Variants in ARHGAP26 observed in about 807,000 individuals in gnomAD.
ARHGAP26 encodes the protein Rho GTPase activating protein 26, also known as rho GTPase-activating protein 26.
A neutral mutation model predicts 104.8 loss-of-function variants in ARHGAP26; 38 were observed. The observed-to-expected ratio is 0.36, with a 90% CI of 0.28 to 0.48. The LOEUF is 0.48. Among genes scored for constraint, ARHGAP26 ranks in the 20% least tolerant of loss-of-function variants. The pLI, the probability that ARHGAP26 is intolerant of heterozygous loss-of-function variation, is 0.99. For synonymous variants in ARHGAP26, 341 were observed against 340.0 expected (o/e 1.00, Z -0.03); for missense variants, 704 against 947.9 (o/e 0.74, Z 3.38).
intron 1 of ARHGAP26, among the ~76,000 whole-genome samples, chr5:142,846,445 T>G (rs763926007): frequency 2.0e-5 from 3 of 152,136 alleles, no homozygotes; most frequent in Non-Finnish European, 2.9e-5. Flanking sequence ...GAATTTCAGG[T>G]CTTTTTGAGG....
intron 10 of ARHGAP26, among the ~76,000 whole-genome samples, chr5:142,925,993 A>G (rs888828301): frequency 6.6e-6 from 1 of 152,188 alleles, no homozygotes; most frequent in African/African-American, 2.4e-5. Context: ...TAAATTGCCA[A>G]ACCACTGAGA....
chr5:143,152,113 T>C (rs1327111875), intron 20 of ARHGAP26, among the ~76,000 whole-genome samples: 2 of 152,140 alleles, frequency 1.3e-5, no homozygotes, highest in Admixed American at 1.3e-4. Context: ...ACAGGGTATT[T>C]TTTTCGCGGT....
chr5:143,071,127 A>G (rs1417768869), intron 17 of ARHGAP26, among the ~76,000 whole-genome samples: 1 of 152,176 alleles, frequency 6.6e-6, no homozygotes, highest in Non-Finnish European at 1.5e-5. Context: ...CCTATAGACC[A>G]ATGGAACAGA....
At chr5:143,095,545 T>G (rs1423476904) in intron 17 of ARHGAP26, among the ~76,000 whole-genome samples, 1 of 152,242 alleles carries the variant, frequency 6.6e-6, no homozygotes, top group African/African-American at 2.4e-5. Flanking sequence ...TTTTACATTT[T>G]TGTAAATCTC....
intron 20 of ARHGAP26, among the ~76,000 whole-genome samples, chr5:143,166,904 A>T (rs1275180838): frequency 1.3e-5 from 2 of 152,244 alleles, no homozygotes; most frequent in Non-Finnish European, 2.9e-5. Flanking sequence ...CATACCACAA[A>T]AGGTGGTTAC....
chr5:143,020,198 T>C (rs1254079895), intron 12 of ARHGAP26, among the ~76,000 whole-genome samples: 1 of 152,238 alleles, frequency 6.6e-6, no homozygotes, highest in Admixed American at 6.5e-5. Context: ...TCCTTCCATC[T>C]TGGCCTCCCA....
At position 142,890,146 on chromosome 5, in the gene ARHGAP26, AAAAAAATATAT is replaced by A. The variant is rs1403155096; in HGVS notation, c.487-4090_487-4080del. ...AGCGAAACTCCGTCTTAAAAAAAAA[AAAAAAATATAT>A]ATATATATATATATATATATATATA... On this transcript the variant is annotated intron_variant, in intron 5 of 22. Transcript: ENST00000645722. 7.8e-5 allele frequency among the ~76,000 whole-genome samples: 7 copies of A among 89,210 alleles called. No individual in the cohort carries two copies. In the South Asian group the frequency reaches 1.2e-3, roughly 16 times the overall value. 58.5% of individuals were successfully genotyped at this position (89,210 alleles called of 152,430 possible).
intron 1 of ARHGAP26, among the ~76,000 whole-genome samples, chr5:142,825,689 T>C (rs915752382): frequency 6.6e-6 from 1 of 152,214 alleles, no homozygotes; most frequent in Non-Finnish European, 1.5e-5. Flanking sequence ...GAAAGCTAAA[T>C]TGGCAACACT....
At chr5:143,027,890 C>T (rs926820067) in intron 12 of ARHGAP26, among the ~76,000 whole-genome samples, 3 of 152,046 alleles carry the variant, frequency 2.0e-5, no homozygotes, top group African/African-American at 4.8e-5. Flanking sequence ...GCATAATTGC[C>T]GGGAGAGGGC....
chr5:142,947,216 T>C (rs1767285213), intron 11 of ARHGAP26: 1 of 152,004 alleles, frequency 6.6e-6, no homozygotes, highest in African/African-American at 2.4e-5. Flanking sequence ...TAGTTAGTTT[T>C]CACTATAAAT....
intron 13 of ARHGAP26, among the ~76,000 whole-genome samples, chr5:143,040,707 T>A (rs1783333316): frequency 6.6e-6 from 1 of 152,226 alleles, no homozygotes; most frequent in Non-Finnish European, 1.5e-5. Context: ...GAGATCTGAA[T>A]GATGAAAAGC....
chr5:142,772,293 TTAGGCTGTG>T (rs1755362553), intron 1 of ARHGAP26, among the ~76,000 whole-genome samples: 1 of 152,276 alleles, frequency 6.6e-6, no homozygotes, highest in Non-Finnish European at 1.5e-5. Flanking sequence ...AGGCAGATTC[TTAGGCTGTG>T]CCTTACCTGA....
At chr5:143,098,839 A>G (rs1185456604) in intron 17 of ARHGAP26, among the ~76,000 whole-genome samples, 1 of 152,106 alleles carries the variant, frequency 6.6e-6, no homozygotes, top group Non-Finnish European at 1.5e-5. Flanking sequence ...AACTTGATGA[A>G]CATTCAATAA....
At chr5:142,905,919 TTTG>T (rs1475029356) in intron 8 of ARHGAP26, among the ~76,000 whole-genome samples, 1 of 152,220 alleles carries the variant, frequency 6.6e-6, no homozygotes, top group Admixed American at 6.5e-5. Flanking sequence ...TCTAAAGCAT[TTTG>T]TTGTTCTCCA....
intron 20 of ARHGAP26, among the ~76,000 whole-genome samples, chr5:143,171,956 A>G (rs1802834553): frequency 6.6e-6 from 1 of 152,110 alleles, no homozygotes; most frequent in African/African-American, 2.4e-5. Context: ...ATCCAGGTCT[A>G]ATTGTCCCCT....
intron 21 of ARHGAP26, among the ~76,000 whole-genome samples, chr5:143,211,053 A>G (rs1259540155): frequency 2.0e-5 from 3 of 152,194 alleles, no homozygotes; most frequent in Non-Finnish European, 4.4e-5. Context: ...TCTCTCTGCC[A>G]ACAGGATTTG....
chr5:143,076,001 G>A (rs1224394938), intron 17 of ARHGAP26, among the ~76,000 whole-genome samples: 2 of 151,460 alleles, frequency 1.3e-5, no homozygotes, highest in Admixed American at 6.6e-5. Flanking sequence ...GCCTGGCCTT[G>A]TTTTTGTTTT....
chr5:142,923,060 A>C (rs1763414816), intron 10 of ARHGAP26, among the ~76,000 whole-genome samples: 1 of 150,556 alleles, frequency 6.6e-6, no homozygotes, highest in Non-Finnish European at 1.5e-5. Context: ...GAGTCTTAGA[A>C]TTCATGTAGT....
At chr5:143,193,206 T>A (rs2151267788) in intron 20 of ARHGAP26, among the ~76,000 whole-genome samples, 1 of 151,766 alleles carries the variant, frequency 6.6e-6, no homozygotes, top group Non-Finnish European at 1.5e-5. Context: ...AGTTATCAGA[T>A]TGACTCCAGG....
Sources: allele counts gnomAD v4.1 joint callset (sites outside exome capture counted in the v4.1 genomes callset), GRCh38; gene constraint gnomAD v4.1.1; transcripts MANE v1.5; gene names NCBI Gene and HGNC (gene_info 2026-07-23, HGNC 2026-07-21).